ACVR2B: variants seen among roughly 807,000 people sequenced by gnomAD.
ACVR2B encodes activin A receptor type 2B.
ACVR2B carries 18 observed loss-of-function variants against 65.1 expected under a neutral mutation model. That is an observed-to-expected ratio of 0.28 (90% confidence interval 0.19 to 0.41). ACVR2B has a LOEUF of 0.41. Among genes scored for constraint, ACVR2B ranks in the 10% least tolerant of loss-of-function variants. The pLI, the probability that ACVR2B is intolerant of heterozygous loss-of-function variation, is 1.00. For missense variants in ACVR2B, 482 were observed against 682.7 expected, an observed-to-expected ratio of 0.71 and a Z score of 3.28; for synonymous variants, 298 against 277.7, an observed-to-expected ratio of 1.07 and a Z score of -0.73.
chr3:38,462,970 A>G (rs948076774), intron 1 of ACVR2B, among the ~76,000 whole-genome samples: 3 of 152,010 alleles, frequency 2.0e-5, no homozygotes, highest in Non-Finnish European at 4.4e-5. Flanking sequence ...CTACCTCCAC[A>G]CCCCAACCCC....
Position 38,477,751 on chromosome 3 carries a change from C to G in ACVR2B, c.261-110C>G, listed in dbSNP as rs1376634344. On this transcript the variant is annotated intron_variant, in intron 2 of 10. Transcript: ENST00000352511. The surrounding 1 kb of genome is among the most constrained non-coding windows in gnomAD (Gnocchi z 6.7). The stretch of plus-strand genomic sequence containing the variant: ...GGGGAGGTGAGTTCACACCGTCCCC[C>G]TGGTGTTGCCCATGAGGTGCTCTGT... 8.3e-7 allele frequency: 1 copy of G among 1,199,904 alleles called. No homozygotes were observed. The highest frequency in any genetic ancestry group is 2.3e-5 in the East Asian group (1 of 43,024). The allele number at this position is 1,199,904 out of a possible 1,614,324, so 74.3% of individuals were successfully genotyped here.
At chr3:38,476,194 G>C (rs560507716) in intron 1 of ACVR2B, 6 of 152,472 alleles carry the variant, frequency 3.9e-5, no homozygotes, top group African/African-American at 1.4e-4. Context: ...GCTGGGACTG[G>C]AGGTTGTTTT....
At position 38,454,348 on chromosome 3, in the gene ACVR2B, C is replaced by T. The variant is rs1709503443; in HGVS notation, c.26C>T (p.Ala9Val). ...ATGACGGCGCCCTGGGTGGCCCTCG[C>T]CCTCCTCTGGGGATCGCTGTGCGCC... Reference protein sequence around the residue: MTAPWVALALLWGSLCAGS... With the variant: MTAPWVALVLLWGSLCAGS... Residue 9 changes from alanine to valine, a missense_variant, in exon 1 of 11, where the codon GCC (alanine) becomes GTC (valine). Physicochemically the swap from Ala to Val is moderately conservative, Grantham distance 64 (BLOSUM62 0). This residue lies in a region of ACVR2B where 41 missense variants were observed against 38.2 expected (regional missense o/e 1.07). Transcript: ENST00000352511. The T allele has an allele frequency of 1.5e-6, 2 of 1,298,728 alleles. No homozygotes were observed. The highest frequency in any genetic ancestry group is 2.5e-5 in the South Asian group (1 of 40,600). 80.5% of individuals were successfully genotyped at this position (1,298,728 alleles called of 1,614,324 possible).
At position 38,477,588 on chromosome 3, in the gene ACVR2B, T is replaced by C; in HGVS notation, c.260+94T>C. On this transcript the variant is annotated intron_variant, in intron 2 of 10. Coordinates refer to ENST00000352511, the MANE Select transcript of ACVR2B (RefSeq NM_001106.4). The surrounding 1 kb of genome is among the most constrained non-coding windows in gnomAD (Gnocchi z 6.7). ...GGTCTCAGGATGTCTGAGTGGGAGA[T>C]AAAGGACCAAGAAGGGGCTCTTGAG... The C allele has an allele frequency of 7.0e-7, 1 of 1,422,880 alleles. No individual in the cohort carries two copies. Among genetic ancestry groups the C allele is most frequent in the Non-Finnish European group, 9.7e-7 (1 of 1,027,784 alleles). 88.1% of individuals were successfully genotyped at this position (1,422,880 alleles called of 1,614,324 possible).
chr3:38,479,534 C>G, intron 6 of ACVR2B, 144 bp from the exon 7 acceptor site: 3 of 1,102,800 alleles, frequency 2.7e-6, no homozygotes, highest in South Asian at 1.3e-5. Context: ...GCCTCCTGGC[C>G]TCATCCATCT....
intron 1 of ACVR2B, among the ~76,000 whole-genome samples, chr3:38,455,976 C>G (rs944908612): frequency 5.3e-5 from 8 of 152,158 alleles, no homozygotes; most frequent in Non-Finnish European, 1.0e-4. Flanking sequence ...GGAGAGCTTC[C>G]TCCCAAGACA....
intron 1 of ACVR2B, 141 bp downstream of exon 1, chr3:38,454,515 GGGCTGGGGGCGCGGTGGGCGCCC>G: frequency 2.7e-6 from 2 of 753,036 alleles, no homozygotes; most frequent in Non-Finnish European, 3.5e-6. Context: ...CCGGGGGCGT[GGGCTGGGGGCGCGGTGGGCGCCC>G]GGCTCGCCGA....
At chr3:38,463,819 C>A (rs1335009166) in intron 1 of ACVR2B, among the ~76,000 whole-genome samples, 1 of 152,158 alleles carries the variant, frequency 6.6e-6, no homozygotes, top group African/African-American at 2.4e-5. Context: ...ACTGAAATTT[C>A]TTTTCTTACA....
chr3:38,483,195 CGCTTGTCCGCGG>C lies in ACVR2B; in HGVS notation c.1406_1417del (p.Leu469_Gly472del), dbSNP rs1710049062. 6.2e-7 allele frequency: 1 copy of C among 1,614,024 alleles called. No individual in the cohort carries two copies. Among genetic ancestry groups the C allele is most frequent in the Non-Finnish European group, 8.5e-7 (1 of 1,180,036 alleles). The stretch of plus-strand genomic sequence containing the variant: ...GTGCTGGGACCATGATGCAGAGGCT[CGCTTGTCCGCGG>C]GCTGTGTGGAGGAGCGGGTGTCCCT... On this transcript the variant is annotated inframe_deletion, in exon 11 of 11. Transcript: ENST00000352511. This position sits in a 1 kb window ranked among gnomAD's most constrained non-coding sequence, Gnocchi z 4.8.
intron 1 of ACVR2B, among the ~76,000 whole-genome samples, chr3:38,457,197 C>T (rs540336706): frequency 5.0e-5 from 6 of 120,940 alleles, no homozygotes; most frequent in Non-Finnish European, 8.4e-5. Flanking sequence ...AGTGAGGCTC[C>T]GTCTCAAAAA....
chr3:38,468,693 GCTTTTCT>G (rs1709772059), intron 1 of ACVR2B, among the ~76,000 whole-genome samples: 1 of 152,120 alleles, frequency 6.6e-6, no homozygotes, highest in Non-Finnish European at 1.5e-5. Flanking sequence ...AAGTCACATT[GCTTTTCT>G]ACTTTATCCA....
Position 38,479,783 on chromosome 3 carries a change from C to T in ACVR2B, c.916C>T (p.Pro306Ser). The change falls in exon 7 of 11, where the codon CCC (proline) becomes TCC (serine). Residue 306 changes from proline (P) to serine (S), a missense_variant. This residue lies in a region of ACVR2B where 223 missense variants were observed against 386.3 expected (regional missense o/e 0.58). Coordinates refer to ENST00000352511, the MANE Select transcript of ACVR2B (RefSeq NM_001106.4). ...RGLSYLHEDV[P>S]WCRGEGHKPS... is the part of the protein sequence containing the mutation. The stretch of plus-strand genomic sequence containing the variant: ...CCTCTCATACCTGCATGAGGATGTG[C>T]CCTGGTGCCGTGGCGAGGGCCACAA... 1.9e-6 allele frequency: 3 copies of T among 1,614,224 alleles called. No homozygotes were observed. Among genetic ancestry groups the T allele is most frequent in the Non-Finnish European group, 1.7e-6 (2 of 1,180,040 alleles).
chr3:38,477,375 G>A lies in ACVR2B; in HGVS notation c.141G>A (p.Glu47=), dbSNP rs1188248406. The A allele has an allele frequency of 1.2e-6, 2 of 1,614,162 alleles. No homozygotes were observed. Among genetic ancestry groups the A allele is most frequent in the Non-Finnish European group, 1.7e-6 (2 of 1,180,018 alleles). The part of the protein sequence containing the change: ...ELERTNQSGL[E]RCEGEQDKRL... ...AGCGCACCAACCAGAGCGGCCTGGA[G>A]CGCTGCGAAGGCGAGCAGGACAAGC... The change falls in exon 2 of 11, where the codon GAG becomes GAA. Residue 47 remains glutamate (E), a synonymous_variant. Transcript: ENST00000352511. This position sits in a 1 kb window ranked among gnomAD's most constrained non-coding sequence, Gnocchi z 6.7.
At chr3:38,480,217 A>G (rs1055118503) in intron 7 of ACVR2B, among the ~76,000 whole-genome samples, 9 of 152,240 alleles carry the variant, frequency 5.9e-5, no homozygotes, top group Admixed American at 5.9e-4. Context: ...GAGTGAGGAC[A>G]TCACATCTCA....
intron 1 of ACVR2B, among the ~76,000 whole-genome samples, chr3:38,455,139 G>A (rs1342827423): frequency 6.6e-6 from 1 of 152,216 alleles, no homozygotes; most frequent in Non-Finnish European, 1.5e-5. Context: ...TGTTCGGCCA[G>A]CGCATGTGTG....
chr3:38,454,757 AG>A (rs1299885662), intron 1 of ACVR2B: 1 of 177,700 alleles, frequency 5.6e-6, no homozygotes, highest in Non-Finnish European at 1.2e-5. Flanking sequence ...GCAGGATTGT[AG>A]GTGCAGCAGC....
At chr3:38,454,441 T>C in intron 1 of ACVR2B, 67 bp downstream of exon 1, 11 of 1,203,656 alleles carry the variant, frequency 9.1e-6, no homozygotes, top group Non-Finnish European at 1.0e-5. Context: ...CGCCGCGCGG[T>C]GTTTACCAAC....
In ACVR2B at chr3:38,478,190, C is replaced by G; in HGVS notation, c.420C>G (p.Ala140=). The G allele has an allele frequency of 6.2e-7, 1 of 1,613,778 alleles. No homozygotes were observed. The highest frequency in any genetic ancestry group is 1.3e-5 in the African/African-American group (1 of 75,012). Residue 140 remains alanine, a synonymous_variant, in exon 4 of 11, where the codon GCC becomes GCG. Transcript: ENST00000352511. ...CCCCCACCCTGCTCACGGTGCTGGC[C>G]TACTCACTGCTGCCCATCGGGGGCC... The part of the protein sequence containing the change: ...PTAPTLLTVL[A]YSLLPIGGLS...
rs930302106 is a variant in ACVR2B at position 38,484,023 on chromosome 3, C to T, written c.*691C>T. ...AACAGAGCTACACTGGACTCGGGCACATTCGGAGCAGCATCCTTTAGTATG... is the reference window on the plus strand; with the variant it reads ...AACAGAGCTACACTGGACTCGGGCATATTCGGAGCAGCATCCTTTAGTATG... On this transcript the variant is annotated 3_prime_UTR_variant, in exon 11 of 11. Transcript: ENST00000352511. 6 of 152,696 alleles carry T rather than the reference C, an allele frequency of 3.9e-5. No individual in the cohort carries two copies. The highest frequency in any genetic ancestry group is 3.3e-4 in the Admixed American group (5 of 15,278). The allele number at this position is 152,696 out of a possible 1,614,324, so 9.5% of individuals were successfully genotyped here.
Sources: gnomAD v4.1 joint callset for allele counts (sites outside exome capture counted in the v4.1 genomes callset) on GRCh38, gnomAD v4.1.1 for gene constraint, gnomAD v4.1.1 regional missense constraint, Gnocchi (gnomAD v3.1) non-coding constraint, MANE v1.5 for transcripts, NCBI Gene and HGNC (gene_info 2026-07-23, HGNC 2026-07-21) for gene names.